The following CHST9 variants were observed in gnomAD, a reference collection of about 807,000 sequenced individuals.
The protein encoded by CHST9 is carbohydrate sulfotransferase 9, also known as GalNAc-4-sulfotransferase 2.
A neutral mutation model predicts 44.4 loss-of-function variants in CHST9; 41 were observed. That is an observed-to-expected ratio of 0.92 (90% confidence interval 0.72 to 1.20). The LOEUF (loss-of-function observed/expected upper bound fraction) is 1.20. Among genes scored for constraint, CHST9 ranks in the 50% most tolerant of loss-of-function variants. The pLI, the probability that CHST9 is intolerant of heterozygous loss-of-function variation, is 0.00. For synonymous variants in CHST9, 171 were observed against 178.4 expected, an observed-to-expected ratio of 0.96 and a Z score of 0.33; for missense variants, 504 against 516.5, an observed-to-expected ratio of 0.98 and a Z score of 0.23.
At chr18:27,017,720 G>A (rs551568720) in intron 4 of CHST9, among the ~76,000 whole-genome samples, 16 of 152,210 alleles carry the variant, frequency 1.1e-4, no homozygotes, top group African/African-American at 3.6e-4. Context: ...CTGGTACACA[G>A]GTGTATCTAA....
At chr18:27,014,283 G>A (rs2145251858) in intron 4 of CHST9, among the ~76,000 whole-genome samples, 1 of 151,802 alleles carries the variant, frequency 6.6e-6, no homozygotes, top group East Asian at 1.9e-4. Context: ...GCTGAATTTA[G>A]CCTCAGGAGG....
At chr18:27,133,286 C>T (rs73406629) in intron 2 of CHST9, among the ~76,000 whole-genome samples, 4,724 of 152,256 alleles carry the variant, frequency 0.031, 236 homozygotes, top group African/African-American at 0.11. Flanking sequence ...TGTTAAACAT[C>T]TATGTTGATG....
At chr18:27,183,627 T>C (rs1036315427) in intron 1 of CHST9, among the ~76,000 whole-genome samples, 16 of 152,302 alleles carry the variant, frequency 1.1e-4, no homozygotes, top group African/African-American at 3.4e-4. Context: ...CTAAATGTTT[T>C]CCATATGATG....
In CHST9 at chr18:27,038,673, A is replaced by C. The variant is rs543623181; in HGVS notation, c.160+9792T>G. Among the ~76,000 whole-genome samples the C allele has an allele frequency of 1.9e-4, 29 of 152,334 alleles. No homozygotes were observed. In the South Asian group the frequency reaches 5.8e-3, roughly 30 times the overall value. On this transcript the variant is annotated intron_variant, in intron 3 of 5. Transcript: ENST00000618847. ...ACTGAATTTTTAATTTTAATTAATT[A>C]AAATGTTACTTTAAAATCTGAAGTA...
intron 2 of CHST9, among the ~76,000 whole-genome samples, chr18:27,141,591 C>CAAAAAAAAAAAAAA (rs34920055): frequency 4.0e-4 from 20 of 50,092 alleles, no homozygotes; most frequent in East Asian, 2.2e-3. Flanking sequence ...AATCCCGACT[C>CAAAAAAAAAAAAAA]AAAAAAAAAA....
intron 1 of CHST9, among the ~76,000 whole-genome samples, chr18:27,184,694 C>T (rs1216512755): frequency 6.6e-6 from 1 of 152,160 alleles, no homozygotes; most frequent in Non-Finnish European, 1.5e-5. Context: ...CCCTGGAGGA[C>T]CCGACAGACT....
At chr18:27,147,921 T>G (rs1475071169) in intron 1 of CHST9, 1 of 151,206 alleles carries the variant, frequency 6.6e-6, no homozygotes, top group Non-Finnish European at 1.5e-5. Flanking sequence ...TTAAATAAAC[T>G]CACGTAACAG....
chr18:26,913,565 C>T lies in CHST9; in HGVS notation c.*2694G>A, dbSNP rs185346640. ...GGGAATAACAGAGCGAAGGGGTCTGCCCATTGTGTTACTGCTGCCTATAAA... is the reference window on the plus strand; with the variant it reads ...GGGAATAACAGAGCGAAGGGGTCTGTCCATTGTGTTACTGCTGCCTATAAA... On this transcript the variant is annotated 3_prime_UTR_variant, in exon 6 of 6. Coordinates refer to ENST00000618847, the MANE Select transcript of CHST9 (RefSeq NM_031422.6). The T allele has an allele frequency of 1.6e-4, 25 of 152,324 alleles. 1 individual carries two copies. The highest frequency in any genetic ancestry group is 2.9e-4 in the Non-Finnish European group (20 of 68,036). 9.4% of individuals were successfully genotyped at this position (152,324 alleles called of 1,614,324 possible).
intron 4 of CHST9, among the ~76,000 whole-genome samples, chr18:26,949,749 G>A (rs1448181575): frequency 6.6e-5 from 10 of 152,180 alleles, no homozygotes; most frequent in Non-Finnish European, 1.0e-4. Context: ...TTCAGTTAAG[G>A]ATCTGTGGAT....
intron 2 of CHST9, among the ~76,000 whole-genome samples, chr18:27,084,627 G>GT (rs1471707198): frequency 6.6e-6 from 1 of 151,288 alleles, no homozygotes; most frequent in Non-Finnish European, 1.5e-5. Flanking sequence ...CTTTTGTATG[G>GT]TTTTTTTGGT....
intron 3 of CHST9, 64 bp downstream of exon 3, chr18:27,048,401 A>T: frequency 7.7e-7 from 1 of 1,301,190 alleles, no homozygotes; most frequent in East Asian, 2.4e-5. Context: ...AATAAATTTT[A>T]AAAAATTTAA....
chr18:27,152,354 T>C (rs1364180775), intron 1 of CHST9, among the ~76,000 whole-genome samples: 5 of 149,970 alleles, frequency 3.3e-5, no homozygotes, highest in African/African-American at 1.2e-4. Flanking sequence ...TTTTTTTTCA[T>C]TTTAAGCAAC....
chr18:27,172,448 G>T (rs886942740), intron 1 of CHST9, among the ~76,000 whole-genome samples: 1 of 151,812 alleles, frequency 6.6e-6, no homozygotes, highest in Non-Finnish European at 1.5e-5. Context: ...AGTGGGAGGG[G>T]GATAGGGGTA....
intron 2 of CHST9, among the ~76,000 whole-genome samples, chr18:27,102,819 C>A (rs1275004875): frequency 6.6e-6 from 1 of 152,074 alleles, no homozygotes; most frequent in Non-Finnish European, 1.5e-5. Flanking sequence ...ACATTGAGGG[C>A]AGGGATTGTG....
At chr18:27,119,033 C>G (rs1368786861) in intron 2 of CHST9, among the ~76,000 whole-genome samples, 1 of 151,898 alleles carries the variant, frequency 6.6e-6, no homozygotes, top group East Asian at 1.9e-4. Context: ...TTTTTTGGAA[C>G]CAAAACCTAT....
At chr18:27,176,728 T>C (rs2058871756) in intron 1 of CHST9, among the ~76,000 whole-genome samples, 1 of 152,056 alleles carries the variant, frequency 6.6e-6, no homozygotes, top group South Asian at 2.1e-4. Flanking sequence ...CCATTCTTAC[T>C]GGTTAGTACT....
At chr18:26,929,711 T>C (rs140879653) in intron 5 of CHST9, among the ~76,000 whole-genome samples, 109 of 152,194 alleles carry the variant, frequency 7.2e-4, no homozygotes, top group African/African-American at 2.5e-3. Context: ...TTTTGGGCTG[T>C]AGACTGGAAA....
chr18:27,155,307 G>C (rs1417918352), intron 1 of CHST9, among the ~76,000 whole-genome samples: 2 of 152,120 alleles, frequency 1.3e-5, no homozygotes, highest in Non-Finnish European at 2.9e-5. Context: ...TGTAGGTAAT[G>C]AATAATTCTT....
intron 2 of CHST9, among the ~76,000 whole-genome samples, chr18:27,117,330 C>T (rs2058334220): frequency 6.6e-6 from 1 of 152,132 alleles, no homozygotes; most frequent in South Asian, 2.1e-4. Context: ...CCCTGCCCCA[C>T]ACAAGCTCAA....
Sources: gnomAD v4.1 joint callset for allele counts (sites outside exome capture counted in the v4.1 genomes callset) on GRCh38, gnomAD v4.1.1 for gene constraint, MANE v1.5 for transcripts, NCBI Gene and HGNC (gene_info 2026-07-23, HGNC 2026-07-21) for gene names.